The following OR51A7 variants were observed in gnomAD, a reference collection of about 807,000 sequenced individuals.
OR51A7 encodes olfactory receptor 51A7.
For missense variants in OR51A7, 409 were observed against 374.5 expected (o/e 1.09, Z -0.76); for synonymous variants, 143 against 135.5 (o/e 1.05, Z -0.38).
At chr11:4,906,202 ACTCCAAAGTACTTATCCACTG>A (rs1850885731) in intron 1 of OR51A7, among the ~76,000 whole-genome samples, 1 of 152,138 alleles carries the variant, frequency 6.6e-6, no homozygotes, top group South Asian at 2.1e-4. Flanking sequence ...AGAATACGTA[ACTCCAAAGTACTTATCCACTG>A]CTCCATTTCT....
rs1221752010 is a variant in OR51A7 at position 4,908,133 on chromosome 11, T to C, written c.764T>C (p.Ile255Thr). The change falls in exon 2 of 2, where the codon ATC (isoleucine) becomes ACC (threonine). Residue 255 changes from isoleucine (I) to threonine (T), a missense_variant. Ile to Thr is a moderately conservative substitution (Grantham distance 89). Transcript: ENST00000641490. ...GTGCTCACCTTCTATGTGCCCATCA[T>C]CACCCTGGCTGCCATGCATCACTTT... ...CAVLTFYVPI[I>T]TLAAMHHFAK... 1 of 1,614,196 alleles carries C rather than the reference T, an allele frequency of 6.2e-7. No individual in the cohort carries two copies. The highest frequency in any genetic ancestry group is 8.5e-7 in the Non-Finnish European group (1 of 1,180,028).
chr11:4,908,826 T>A lies in OR51A7; in HGVS notation c.*518T>A, dbSNP rs1589935851. On this transcript the variant is annotated 3_prime_UTR_variant, in exon 2 of 2. Transcript: ENST00000641490. Reference sequence around the variant, plus strand: ...TGAAAAGTCTAAATTCAGGAGGTGTTGGAATGCCAATTTCTTCTCTACATG... The same window carrying A: ...TGAAAAGTCTAAATTCAGGAGGTGTAGGAATGCCAATTTCTTCTCTACATG... The A allele has an allele frequency of 1.2e-5, 2 of 162,934 alleles. No individual in the cohort carries two copies. Among genetic ancestry groups the A allele is most frequent in the East Asian group, 3.5e-4 (2 of 5,740 alleles). The allele number at this position is 162,934 out of a possible 1,614,324, so 10.1% of individuals were successfully genotyped here.
Position 4,907,319 on chromosome 11 carries a change from T to G in OR51A7, c.-31-20T>G. The G allele has an allele frequency of 7.7e-7, 1 of 1,295,952 alleles. No individual in the cohort carries two copies. The highest frequency in any genetic ancestry group is 1.1e-6 in the Non-Finnish European group (1 of 913,652). The allele number at this position is 1,295,952 out of a possible 1,614,324, so 80.3% of individuals were successfully genotyped here. A position where few individuals can be genotyped will look rare whatever the true frequency, so the allele number is the denominator to read the frequency against. ...AGTTTTAACCAAAAGCATGACTGCT[T>G]TTCATTTATATGGTTTCAGATCCGG... is the stretch of plus-strand genomic sequence containing the variant. On this transcript the variant is annotated intron_variant, in intron 1 of 1. Transcript: ENST00000641490.
chr11:4,907,095 T>TAAAAAAAAAAAAAAAAA lies in OR51A7; in HGVS notation c.-31-240_-31-224dup, dbSNP rs3065178. ...TGGGCAACAAGAGCAAAACTCCCTC[T>TAAAAAAAAAAAAAAAAA]AAAAAAAAAAAAAAAAAAAATCCTA... On this transcript the variant is annotated intron_variant, in intron 1 of 1. Transcript: ENST00000641490. Among the ~76,000 whole-genome samples, 141 of 55,080 alleles carry TAAAAAAAAAAAAAAAAA rather than the reference T, an allele frequency of 2.6e-3. 12 individuals carry two copies. Among genetic ancestry groups the TAAAAAAAAAAAAAAAAA allele is most frequent in the East Asian group, 0.025 (32 of 1,280 alleles). 36.1% of individuals were successfully genotyped at this position (55,080 alleles called of 152,430 possible). A position where few individuals can be genotyped will look rare whatever the true frequency, so the allele number is the denominator to read the frequency against.
Position 4,905,937 on chromosome 11 carries a change from G to A in OR51A7, c.-31-1402G>A, listed in dbSNP as rs535573867. ...TAATGCTTCATTTCCAACAGAAATT[G>A]GGTGGTTTGGATTTTTTTCATTTAG... is the stretch of plus-strand genomic sequence containing the variant. On this transcript the variant is annotated intron_variant, in intron 1 of 1. Coordinates refer to ENST00000641490, the MANE Select transcript of OR51A7 (RefSeq NM_001004749.2). 8.5e-5 allele frequency among the ~76,000 whole-genome samples: 13 copies of A among 152,204 alleles called. No homozygotes were observed. The East Asian group carries it at 2.1e-3, about 25-fold the overall frequency.
intron 1 of OR51A7, among the ~76,000 whole-genome samples, chr11:4,904,884 G>A (rs1850859669): frequency 6.6e-6 from 1 of 152,054 alleles, no homozygotes; most frequent in Admixed American, 6.6e-5. Flanking sequence ...CAGATACATG[G>A]GGATAAATAA....
In OR51A7 at chr11:4,907,994, G is replaced by C; in HGVS notation, c.625G>C (p.Asp209His). 1 of 1,614,154 alleles carries C rather than the reference G, an allele frequency of 6.2e-7. No homozygotes were observed. Among genetic ancestry groups the C allele is most frequent in the Non-Finnish European group, 8.5e-7 (1 of 1,180,026 alleles). The change falls in exon 2 of 2, where the codon GAC becomes CAC. Residue 209 changes from aspartate (D) to histidine (H), a missense_variant. Transcript: ENST00000641490. ...GFFIALCTMLDLALIVLSYVL... is the reference protein window; with the variant it reads ...GFFIALCTMLHLALIVLSYVL... ...CTTCATTGCTCTCTGTACTATGCTG[G>C]ACTTGGCACTGATTGTTTTGTCTTA...
chr11:4,905,574 G>A (rs1249493322), intron 1 of OR51A7, among the ~76,000 whole-genome samples: 3 of 152,050 alleles, frequency 2.0e-5, no homozygotes, highest in African/African-American at 7.2e-5. Flanking sequence ...AAAAAATTCT[G>A]GAGTGAGGAT....
At position 4,908,212 on chromosome 11, in the gene OR51A7, G is replaced by T. The variant is rs371735961; in HGVS notation, c.843G>T (p.Leu281Phe). Reference sequence around the variant, plus strand: ...TCCTTATTGCAGATATGTTCTTGTTGGTGCCGCCCCTTATGAACCCCATTG... The same window carrying T: ...TCCTTATTGCAGATATGTTCTTGTTTGTGCCGCCCCTTATGAACCCCATTG... ...VVILIADMFL[L>F]VPPLMNPIVY... is the part of the protein sequence containing the mutation. The change falls in exon 2 of 2, where the codon TTG becomes TTT. Residue 281 changes from leucine to phenylalanine, a missense_variant. Transcript: ENST00000641490. 1 of 1,614,094 alleles carries T rather than the reference G, an allele frequency of 6.2e-7. No homozygotes were observed. The highest frequency in any genetic ancestry group is 1.3e-5 in the African/African-American group (1 of 75,028).
In OR51A7 at chr11:4,908,122, T is replaced by C; in HGVS notation, c.753T>C (p.Tyr251=). 2.5e-6 allele frequency: 4 copies of C among 1,614,214 alleles called. No individual in the cohort carries two copies. Among genetic ancestry groups the C allele is most frequent in the Non-Finnish European group, 2.5e-6 (3 of 1,180,028 alleles). The change falls in exon 2 of 2, where the codon TAT becomes TAC. Residue 251 remains tyrosine (Y), a synonymous_variant. Transcript: ENST00000641490. ...VSHICAVLTF[Y]VPIITLAAMH... The stretch of plus-strand genomic sequence containing the variant: ...ACATCTGTGCTGTGCTCACCTTCTA[T>C]GTGCCCATCATCACCCTGGCTGCCA...
In OR51A7 at chr11:4,907,966, C is replaced by T; in HGVS notation, c.597C>T (p.Gly199=). Residue 199 remains glycine, a synonymous_variant, in exon 2 of 2, where the codon GGC becomes GGT. Transcript: ENST00000641490. ...CSDNKTNVIY[G]FFIALCTMLD... is the part of the protein sequence containing the mutation. ...ACAACAAGACCAATGTCATCTATGG[C>T]TTCTTCATTGCTCTCTGTACTATGC... The T allele has an allele frequency of 6.2e-7, 1 of 1,614,092 alleles. No homozygotes were observed. Among genetic ancestry groups the T allele is most frequent in the African/African-American group, 1.3e-5 (1 of 75,066 alleles).
chr11:4,907,766 A>G lies in OR51A7; in HGVS notation c.397A>G (p.Ser133Gly), dbSNP rs761091720. The G allele has an allele frequency of 3.7e-6, 6 of 1,613,986 alleles. No individual in the cohort carries two copies. In the Admixed American group the frequency reaches 8.3e-5, roughly 22 times the overall value. ...FLAIHNPLRY[S>G]SILTSNRVAK... ...TGCCATTCACAATCCCTTAAGATAC[A>G]GTTCTATCCTCACTAGCAACAGGGT... The change falls in exon 2 of 2, where the codon AGT becomes GGT. Residue 133 changes from serine (S) to glycine (G), a missense_variant. Coordinates refer to ENST00000641490, the MANE Select transcript of OR51A7 (RefSeq NM_001004749.2).
In OR51A7 at chr11:4,907,364, C is replaced by T. The variant is rs778130633; in HGVS notation, c.-6C>T. The stretch of plus-strand genomic sequence containing the variant: ...ATCCGGCTAACGAGCTCATATCTCC[C>T]TCATTATGTCTGTTCTCAATAACTC... On this transcript the variant is annotated 5_prime_UTR_variant, in exon 2 of 2. Coordinates refer to ENST00000641490, the MANE Select transcript of OR51A7 (RefSeq NM_001004749.2). The T allele has an allele frequency of 1.3e-5, 20 of 1,589,016 alleles. No individual in the cohort carries two copies. In the Middle Eastern group the frequency reaches 5.1e-4, roughly 41 times the overall value.
Position 4,908,116 on chromosome 11 carries a change from C to G in OR51A7, c.747C>G (p.Thr249=). The G allele has an allele frequency of 1.9e-6, 3 of 1,614,202 alleles. No homozygotes were observed. In the South Asian group the frequency reaches 3.3e-5, roughly 18 times the overall value. The change falls in exon 2 of 2, where the codon ACC becomes ACG. Residue 249 remains threonine, a synonymous_variant. Transcript: ENST00000641490. ...TCTCCCACATCTGTGCTGTGCTCAC[C>G]TTCTATGTGCCCATCATCACCCTGG... ...TCVSHICAVL[T]FYVPIITLAA...
chr11:4,906,431 A>C (rs1298940143), intron 1 of OR51A7, among the ~76,000 whole-genome samples: 4 of 152,236 alleles, frequency 2.6e-5, no homozygotes, highest in Non-Finnish European at 5.9e-5. Flanking sequence ...ATGAAAGGGC[A>C]AATGTGTTTG....
At chr11:4,904,033 A>C (rs1850844154) in intron 1 of OR51A7, among the ~76,000 whole-genome samples, 189 bp downstream of exon 1, 1 of 152,082 alleles carries the variant, frequency 6.6e-6, no homozygotes, top group Non-Finnish European at 1.5e-5. Flanking sequence ...ATGACAAATA[A>C]AAGCAAGCCT....
At position 4,908,259 on chromosome 11, in the gene OR51A7, A is replaced by C. The variant is rs1478801488; in HGVS notation, c.890A>C (p.Gln297Pro). ...NPIVYCVKTR[Q>P]IWEKILGKLL... ...ATTGTGTACTGTGTAAAGACTCGAC[A>C]AATCTGGGAGAAGATCTTGGGGAAG... is the stretch of plus-strand genomic sequence containing the variant. The change falls in exon 2 of 2, where the codon CAA (glutamine) becomes CCA (proline). Residue 297 changes from glutamine to proline, a missense_variant. Coordinates refer to ENST00000641490, the MANE Select transcript of OR51A7 (RefSeq NM_001004749.2). 2 of 1,614,028 alleles carry C rather than the reference A, an allele frequency of 1.2e-6. No homozygotes were observed. Among genetic ancestry groups the C allele is most frequent in the African/African-American group, 2.7e-5 (2 of 74,904 alleles).
At chr11:4,906,177 G>T (rs1358270610) in intron 1 of OR51A7, among the ~76,000 whole-genome samples, 2 of 152,146 alleles carry the variant, frequency 1.3e-5, no homozygotes, top group East Asian at 3.9e-4. Context: ...ACATGAATAT[G>T]TACGTGAAGA....
chr11:4,906,045 C>A (rs991444104), intron 1 of OR51A7, among the ~76,000 whole-genome samples: 5 of 152,024 alleles, frequency 3.3e-5, no homozygotes, highest in African/African-American at 1.2e-4. Context: ...ATAATCCAAT[C>A]AAGATGGATA....
Sources: gnomAD v4.1 joint callset for allele counts (sites outside exome capture counted in the v4.1 genomes callset) on GRCh38, gnomAD v4.1.1 for gene constraint, MANE v1.5 for transcripts, NCBI Gene and HGNC (gene_info 2026-07-23, HGNC 2026-07-21) for gene names.